HEXD: variants seen among roughly 807,000 people sequenced by gnomAD.
The protein encoded by HEXD is hexosaminidase D.
In HEXD, 47 loss-of-function variants were observed where a neutral mutation model predicts 54.2. The ratio of observed to expected loss-of-function variants is 0.87; its 90% confidence interval spans 0.69 to 1.11. The LOEUF (loss-of-function observed/expected upper bound fraction) is 1.11. Among genes scored for constraint, HEXD ranks in the 50% least tolerant of loss-of-function variants. The probability of loss-of-function intolerance (pLI) is 0.00; values close to 1 mark genes in which losing one functional copy is unlikely to be tolerated. For missense variants in HEXD, 576 were observed against 649.2 expected (o/e 0.89, Z 1.23); for synonymous variants, 293 against 287.6 (o/e 1.02, Z -0.19).
At chr17:82,435,991 C>T (rs187049466) in intron 6 of HEXD, 119 bp downstream of exon 6, 2 of 939,276 alleles carry the variant, frequency 2.1e-6, no homozygotes, top group South Asian at 1.6e-5. Context: ...CCGCACAGAC[C>T]CGCCACAACC....
At chr17:82,436,614 GC>G in intron 6 of HEXD, 52 bp from the exon 7 acceptor site, 3 of 1,480,638 alleles carry the variant, frequency 2.0e-6, no homozygotes, top group Non-Finnish European at 2.8e-6. Flanking sequence ...GGTCCGAGGG[GC>G]TGAGAGTGTG....
At chr17:82,437,560 C>T (rs965941829) in intron 8 of HEXD, among the ~76,000 whole-genome samples, 197 bp downstream of exon 8, 14 of 152,204 alleles carry the variant, frequency 9.2e-5, no homozygotes, top group South Asian at 2.1e-4. Flanking sequence ...ACGCTGCTCC[C>T]GTGTTCAGGG....
intron 11 of HEXD, 50 bp from the exon 12 acceptor site, chr17:82,441,750 C>A: frequency 7.0e-7 from 1 of 1,436,544 alleles, no homozygotes; most frequent in Non-Finnish European, 9.8e-7. Context: ...AAAGCCGCCC[C>A]ACGGCTGCCT....
At chr17:82,425,426 G>C (rs1426728979) in intron 3 of HEXD, 2 of 164,850 alleles carry the variant, frequency 1.2e-5, no homozygotes, top group East Asian at 3.7e-4. Flanking sequence ...GAGGATGCTG[G>C]AGGAGGCCTC....
chr17:82,441,724 T>C, intron 11 of HEXD, 76 bp from the exon 12 acceptor site: 1 of 1,095,196 alleles, frequency 9.1e-7, no homozygotes, highest in Non-Finnish European at 1.4e-6. Flanking sequence ...TTCTTAAACA[T>C]TTTCTGTATT....
chr17:82,421,367 G>A (rs373073332), intron 2 of HEXD, among the ~76,000 whole-genome samples: 2 of 152,180 alleles, frequency 1.3e-5, no homozygotes, highest in South Asian at 2.1e-4. Context: ...CAGGAACAGC[G>A]AAGGGAAAGG....
At position 82,442,289 on chromosome 17, in the gene HEXD, C is replaced by T. The variant is rs2143660528; in HGVS notation, c.1366C>T (p.Gln456Ter). 6.2e-7 allele frequency: 1 copy of T among 1,608,256 alleles called. No individual in the cohort carries two copies. The highest frequency in any genetic ancestry group is 2.2e-5 in the East Asian group (1 of 44,882). The change falls in exon 13 of 13, where the codon CAG (glutamine) becomes TAG (stop). Residue 456 changes from glutamine (Q) to a stop codon, truncating the protein, a stop_gained. Coordinates refer to ENST00000327949, the MANE Select transcript of HEXD (RefSeq NM_001330542.2). LOFTEE classifies it low-confidence loss of function (END_TRUNC). This position sits in a 1 kb window ranked among gnomAD's most constrained non-coding sequence, Gnocchi z 6.8. ...GGAGGAAAACGTGCACCCCAGCCTG[C>T]AGCGGCTGCAAGCTCTGCTGCAGGA... is the stretch of plus-strand genomic sequence containing the variant. ...WLEENVHPSL[Q>*]RLQALLQDLS...
intron 4 of HEXD, among the ~76,000 whole-genome samples, chr17:82,433,128 A>ATAT (rs71168109): frequency 2.1e-3 from 27 of 13,060 alleles, no homozygotes; most frequent in Admixed American, 3.0e-3. Context: ...ATATATATAT[A>ATAT]TTTTTTTTTT....
At chr17:82,441,413 G>T in intron 11 of HEXD, 147 bp downstream of exon 11, 1 of 908,818 alleles carries the variant, frequency 1.1e-6, no homozygotes, top group South Asian at 1.7e-5. Context: ...GCGGGTGAGG[G>T]GCAGGTGTGG....
chr17:82,432,454 T>C (rs2053600834), intron 4 of HEXD, among the ~76,000 whole-genome samples: 1 of 152,140 alleles, frequency 6.6e-6, no homozygotes. Flanking sequence ...AGTCTGCCCC[T>C]TTGGCAGCAA....
rs749797604 is a variant in HEXD at position 82,439,716 on chromosome 17, A to G, written c.982+3A>G. 6.3e-7 allele frequency: 1 copy of G among 1,599,716 alleles called. No homozygotes were observed. Among genetic ancestry groups the G allele is most frequent in the Non-Finnish European group, 8.5e-7 (1 of 1,179,590 alleles). On this transcript the variant is annotated splice_donor_region_variant and intron_variant, in intron 9 of 12. Transcript: ENST00000327949. ...CTGCCTGCAGTTGCTTCTACGCGGT[A>G]TGTCTGGTCTGGCCACCCCAAGCCC...
intron 2 of HEXD, among the ~76,000 whole-genome samples, chr17:82,422,249 C>T: frequency 6.6e-6 from 1 of 151,888 alleles, no homozygotes; most frequent in East Asian, 1.9e-4. Context: ...GCCCACCCAG[C>T]AGGAAACACT....
At chr17:82,440,281 CGCGCGGAGAGCGGGACCCGCAG>C (rs2053893828) in intron 9 of HEXD, 1 of 1,283,104 alleles carries the variant, frequency 7.8e-7, no homozygotes, top group African/African-American at 1.5e-5. Context: ...ATGGCCGAGA[CGCGCGGAGAGCGGGACCCGCAG>C]GCGCGGCGGC....
At chr17:82,440,675 G>C (rs761784707) in intron 9 of HEXD, 1 of 419,578 alleles carries the variant, frequency 2.4e-6, no homozygotes, top group African/African-American at 2.1e-5. Flanking sequence ...CAAACTCTGC[G>C]TGAGCCCTGG....
At chr17:82,432,409 C>A (rs990930332) in intron 4 of HEXD, among the ~76,000 whole-genome samples, 2 of 152,090 alleles carry the variant, frequency 1.3e-5, no homozygotes, top group African/African-American at 4.8e-5. Flanking sequence ...ACAGCGCCCC[C>A]ACAAGGGGTG....
intron 11 of HEXD, among the ~76,000 whole-genome samples, chr17:82,441,587 G>C (rs2053973206): frequency 1.3e-5 from 2 of 151,338 alleles, no homozygotes; most frequent in South Asian, 4.2e-4. Context: ...TGTGGGTGAG[G>C]GGGGTAGGGA....
intron 7 of HEXD, 98 bp from the exon 8 acceptor site, chr17:82,437,070 G>A: frequency 9.3e-7 from 1 of 1,077,476 alleles, no homozygotes; most frequent in Non-Finnish European, 1.4e-6. Context: ...GTCTCAGGCG[G>A]CTCCCATGTT....
chr17:82,425,267 A>G (rs1032498198), intron 3 of HEXD, among the ~76,000 whole-genome samples: 3 of 143,288 alleles, frequency 2.1e-5, no homozygotes, highest in Non-Finnish European at 4.5e-5. Flanking sequence ...AAGGCTGGAG[A>G]AGGCTGGGCT....
At position 82,441,781 on chromosome 17, in the gene HEXD, C is replaced by G. The variant is rs1017273293; in HGVS notation, c.1164-19C>G. On this transcript the variant is annotated intron_variant, in intron 11 of 12. Coordinates refer to ENST00000327949, the MANE Select transcript of HEXD (RefSeq NM_001330542.2). ...TGCCTTGGTAGCCCGCGGCACACCCCTATGTGGATTTGCCCCAGGTATGTC... is the reference window on the plus strand; with the variant it reads ...TGCCTTGGTAGCCCGCGGCACACCCGTATGTGGATTTGCCCCAGGTATGTC... 2.8e-5 allele frequency: 45 copies of G among 1,608,530 alleles called. No homozygotes were observed. Among genetic ancestry groups the G allele is most frequent in the Non-Finnish European group, 3.7e-5 (43 of 1,175,894 alleles).
Sources: gnomAD v4.1 joint callset for allele counts (sites outside exome capture counted in the v4.1 genomes callset) on GRCh38, gnomAD v4.1.1 for gene constraint, Gnocchi (gnomAD v3.1) non-coding constraint, MANE v1.5 for transcripts, NCBI Gene and HGNC (gene_info 2026-07-23, HGNC 2026-07-21) for gene names.